The following ANKMY1 variants were observed in gnomAD, a reference collection of about 807,000 sequenced individuals.
The protein encoded by ANKMY1 is ankyrin repeat and MYND domain containing 1.
In ANKMY1, 98 loss-of-function variants were observed where a neutral mutation model predicts 102.0. That is an observed-to-expected ratio of 0.96 (90% CI 0.82 to 1.14). The LOEUF (loss-of-function observed/expected upper bound fraction) is 1.14. Among genes scored for constraint, ANKMY1 ranks in the 50% most tolerant of loss-of-function variants. The pLI is 0.00. For missense variants in ANKMY1, 1,330 were observed against 1,347.6 expected (o/e 0.99, Z 0.20); for synonymous variants, 582 against 559.9 (o/e 1.04, Z -0.56).
intron 4 of ANKMY1, among the ~76,000 whole-genome samples, chr2:240,538,331 G>A (rs894338002): frequency 3.5e-4 from 54 of 152,292 alleles, no homozygotes; most frequent in Admixed American, 1.7e-3. Flanking sequence ...AGGGGCCAGC[G>A]CGAGTTCTGG....
At position 240,520,291 on chromosome 2, in the gene ANKMY1, CGAG is replaced by C. The variant is rs1292518942; in HGVS notation, c.2004+68_2004+70del. The C allele has an allele frequency of 2.8e-5, 42 of 1,487,236 alleles. No individual in the cohort carries two copies. The highest frequency in any genetic ancestry group is 3.5e-5 in the Non-Finnish European group (39 of 1,111,538). The allele number at this position is 1,487,236 out of a possible 1,614,324, so 92.1% of individuals were successfully genotyped here. ...CCCTCTCTTCCGCGCCTAGGTGGAGCGAGGAGCTTCCCGGCCAGTGCCCGGGAG... is the reference window on the plus strand; with the variant it reads ...CCCTCTCTTCCGCGCCTAGGTGGAGCGAGCTTCCCGGCCAGTGCCCGGGAG... On this transcript the variant is annotated intron_variant, in intron 9 of 17. Transcript: ENST00000401804. This position sits in a 1 kb window ranked among gnomAD's most constrained non-coding sequence, Gnocchi z 4.8.
At chr2:240,538,529 C>G (rs1202069029) in intron 4 of ANKMY1, among the ~76,000 whole-genome samples, 1 of 152,152 alleles carries the variant, frequency 6.6e-6, no homozygotes, top group East Asian at 1.9e-4. Context: ...GGGCAGGGCT[C>G]GGGACCTGCA....
At chr2:240,476,578 C>G (rs143339018), downstream of ANKMY1, among the ~76,000 whole-genome samples, 19 of 152,182 alleles carry the variant, frequency 1.2e-4, no homozygotes, top group Non-Finnish European at 1.9e-4. Context: ...GAAAAGGCCA[C>G]AGAGCTGCAG....
intron 9 of ANKMY1, among the ~76,000 whole-genome samples, chr2:240,514,348 T>C (rs1334044987): frequency 4.6e-5 from 7 of 152,064 alleles, no homozygotes; most frequent in African/African-American, 1.7e-4. Context: ...CAAGAAAATT[T>C]CACAGACCCA....
At chr2:240,510,081 C>G (rs1445438728) in intron 11 of ANKMY1, among the ~76,000 whole-genome samples, 2 of 147,166 alleles carry the variant, frequency 1.4e-5, no homozygotes, top group African/African-American at 5.1e-5. Context: ...TCCCTGCCTC[C>G]CTGCCCCCCT....
chr2:240,524,859 C>A (rs1259890348), intron 7 of ANKMY1, among the ~76,000 whole-genome samples: 1 of 152,200 alleles, frequency 6.6e-6, no homozygotes, highest in Non-Finnish European at 1.5e-5. Context: ...TGTCACATGG[C>A]ACTGCCCTGG....
intron 9 of ANKMY1, among the ~76,000 whole-genome samples, chr2:240,518,693 G>T (rs891686363): frequency 1.3e-5 from 2 of 152,156 alleles, no homozygotes; most frequent in Admixed American, 1.3e-4. Context: ...TTCCTGATCA[G>T]CTATGAACAG....
At chr2:240,521,884 TGG>T (rs2082355104) in intron 8 of ANKMY1, 1 of 152,228 alleles carries the variant, frequency 6.6e-6, no homozygotes, top group Non-Finnish European at 1.5e-5. Flanking sequence ...AATGAAGCTG[TGG>T]ACCTTCACTG....
chr2:240,529,247 A>G lies in ANKMY1; in HGVS notation c.743T>C (p.Leu248Pro), dbSNP rs769904878. 5 of 1,614,216 alleles carry G rather than the reference A, an allele frequency of 3.1e-6. No individual in the cohort carries two copies. The highest frequency in any genetic ancestry group is 4.2e-6 in the Non-Finnish European group (5 of 1,180,036). ...DPFFYDYKRF[L>P]LNDNLTLPPE... ...AGGCAGCGTTAGGTTGTCATTCAGAAGAAACCGCTTATAGTCATAGAAAAA... is the reference window on the plus strand; with the variant it reads ...AGGCAGCGTTAGGTTGTCATTCAGAGGAAACCGCTTATAGTCATAGAAAAA... Residue 248 changes from leucine to proline, a missense_variant, in exon 5 of 18, where the codon CTT becomes CCT. Coordinates refer to ENST00000401804, the MANE Select transcript of ANKMY1 (RefSeq NM_001282771.3). The surrounding 1 kb of genome is among the most constrained non-coding windows in gnomAD (Gnocchi z 4.2).
At chr2:240,480,913 C>T (rs774556201) in intron 17 of ANKMY1, 24 bp downstream of exon 17, 25 of 1,596,984 alleles carry the variant, frequency 1.6e-5, no homozygotes, top group South Asian at 2.2e-5. Flanking sequence ...GAACCCTTGC[C>T]TCCCAGCCTG....
chr2:240,525,588 TG>T, intron 7 of ANKMY1, 96 bp downstream of exon 7: 1 of 1,427,010 alleles, frequency 7.0e-7, no homozygotes, highest in East Asian at 2.5e-5. Flanking sequence ...TGTACAAGCC[TG>T]GTCCACACAG....
intron 15 of ANKMY1, among the ~76,000 whole-genome samples, chr2:240,494,073 T>C (rs1046525726): frequency 6.6e-6 from 1 of 151,904 alleles, no homozygotes; most frequent in African/African-American, 2.4e-5. Context: ...GGAGGTTAGG[T>C]CCAACCTCAG....
chr2:240,549,569 A>G (rs1204564129), intron 4 of ANKMY1, among the ~76,000 whole-genome samples: 7 of 152,298 alleles, frequency 4.6e-5, no homozygotes, highest in Non-Finnish European at 5.9e-5. Context: ...CCATCAGAGT[A>G]AACAGGCAAC....
At chr2:240,551,362 CGT>C (rs1284449915) in intron 4 of ANKMY1, among the ~76,000 whole-genome samples, 4 of 152,096 alleles carry the variant, frequency 2.6e-5, no homozygotes, top group Admixed American at 6.6e-5. Context: ...TTCATGGCAA[CGT>C]GTTTGTTTGC....
intron 5 of ANKMY1, chr2:240,527,030 T>C (rs890501609): frequency 1.2e-5 from 12 of 991,484 alleles, no homozygotes; most frequent in Non-Finnish European, 1.4e-5. Context: ...GATGGATGGA[T>C]GGATGGTTGG....
Position 240,520,203 on chromosome 2 carries a change from G to T in ANKMY1, c.2004+159C>A. 9.1e-7 allele frequency: 1 copy of T among 1,093,650 alleles called. No homozygotes were observed. Among genetic ancestry groups the T allele is most frequent in the Non-Finnish European group, 1.4e-6 (1 of 731,220 alleles). The allele number at this position is 1,093,650 out of a possible 1,614,324, so 67.7% of individuals were successfully genotyped here. On this transcript the variant is annotated intron_variant, in intron 9 of 17. Coordinates refer to ENST00000401804, the MANE Select transcript of ANKMY1 (RefSeq NM_001282771.3). This position sits in a 1 kb window ranked among gnomAD's most constrained non-coding sequence, Gnocchi z 4.8. ...GACATGGGTGAAAGAGCGGGCTGTG[G>T]GACCCCCCACTGCGGCGCGCCGTCA...
At chr2:240,554,788 C>T (rs560648825) in intron 3 of ANKMY1, 78 bp downstream of exon 3, 2 of 1,529,636 alleles carry the variant, frequency 1.3e-6, no homozygotes, top group South Asian at 2.4e-5. Context: ...AAGTTCCCGT[C>T]CCATCACTCT....
Position 240,512,849 on chromosome 2 carries a change from C to CATCGGTG in ANKMY1, c.2091_2097dup (p.Val700HisfsTer31), listed in dbSNP as rs753063651. ...TCCTCGTCGGATGCCTTGGCGTCCA[C>CATCGGTG]ATCGGTGATGGCATGCAACAGCAGC... On this transcript the variant is annotated frameshift_variant, in exon 10 of 18. Transcript: ENST00000401804. LOFTEE classifies it high-confidence loss of function. 6.2e-7 allele frequency: 1 copy of CATCGGTG among 1,614,108 alleles called. No individual in the cohort carries two copies. Among genetic ancestry groups the CATCGGTG allele is most frequent in the South Asian group, 1.1e-5 (1 of 91,078 alleles).
chr2:240,560,423 G>T (rs1192275070), upstream of ANKMY1: 2 of 364,914 alleles, frequency 5.5e-6, no homozygotes, highest in Non-Finnish European at 9.4e-6. Flanking sequence ...CAGAGAACAT[G>T]GGACGCAGAG....
Sources: gnomAD v4.1 joint callset for allele counts (sites outside exome capture counted in the v4.1 genomes callset) on GRCh38, gnomAD v4.1.1 for gene constraint, Gnocchi (gnomAD v3.1) non-coding constraint, MANE v1.5 for transcripts, NCBI Gene and HGNC (gene_info 2026-07-23, HGNC 2026-07-21) for gene names.